Variants in RIMS1 observed in about 807,000 individuals in gnomAD.
RIMS1 encodes regulating synaptic membrane exocytosis protein 1.
RIMS1 carries 83 observed loss-of-function variants against 214.1 expected under a neutral mutation model. The ratio of observed to expected loss-of-function variants is 0.39; its 90% CI spans 0.32 to 0.47. RIMS1 has a LOEUF of 0.47. RIMS1 is among the 20% of genes least tolerant of loss of function. The pLI is 0.99. For missense variants in RIMS1, 2,050 were observed against 2,161.8 expected, an observed-to-expected ratio of 0.95 and a Z score of 1.03; for synonymous variants, 793 against 786.8, an observed-to-expected ratio of 1.01 and a Z score of -0.13.
At chr6:71,907,983 G>A (rs1360593290) in intron 1 of RIMS1, among the ~76,000 whole-genome samples, 2 of 152,244 alleles carry the variant, frequency 1.3e-5, no homozygotes, top group East Asian at 3.9e-4. Context: ...GAAAGTAAGA[G>A]ACTTTTGCCT....
chr6:72,051,762 A>G (rs1211950167), intron 2 of RIMS1, among the ~76,000 whole-genome samples: 1 of 152,226 alleles, frequency 6.6e-6, no homozygotes, highest in African/African-American at 2.4e-5. Flanking sequence ...GCTTATTAAA[A>G]CAAATGATAA....
chr6:71,886,799 C>T lies in RIMS1; in HGVS notation c.-225C>T. The T allele has an allele frequency of 1.8e-6, 1 of 566,230 alleles. No homozygotes were observed. The highest frequency in any genetic ancestry group is 2.3e-5 in the South Asian group (1 of 43,078). The allele number at this position is 566,230 out of a possible 1,614,324, so 35.1% of individuals were successfully genotyped here. A position where few individuals can be genotyped will look rare whatever the true frequency, so the allele number is the denominator to read the frequency against. ...CCGAGCTTCGCTAGGGCGACCAAAACAAAGGCAGCATCCGGGGCTGGGTGG... is the reference window on the plus strand; with the variant it reads ...CCGAGCTTCGCTAGGGCGACCAAAATAAAGGCAGCATCCGGGGCTGGGTGG... On this transcript the variant is annotated 5_prime_UTR_variant, in exon 1 of 34. Coordinates refer to ENST00000521978, the MANE Select transcript of RIMS1 (RefSeq NM_014989.7).
In RIMS1 at chr6:72,213,365, A is replaced by C. The variant is rs986151099; in HGVS notation, c.1679-20408A>C. On this transcript the variant is annotated intron_variant, in intron 6 of 33. Coordinates refer to ENST00000521978, the MANE Select transcript of RIMS1 (RefSeq NM_014989.7). ...GGTGCACAGTGTTCTTAATTGAATAAAGTTTCCAGTTACCAACTTTATCTT... is the reference window on the plus strand; with the variant it reads ...GGTGCACAGTGTTCTTAATTGAATACAGTTTCCAGTTACCAACTTTATCTT... The C allele has an allele frequency of 5.7e-6, 4 of 706,032 alleles. No individual in the cohort carries two copies. The South Asian group carries it at 8.7e-5, about 15-fold the overall frequency. The allele number at this position is 706,032 out of a possible 1,614,324, so 43.7% of individuals were successfully genotyped here. A position where few individuals can be genotyped will look rare whatever the true frequency, so the allele number is the denominator to read the frequency against.
At chr6:71,928,953 A>G (rs1782297124) in intron 1 of RIMS1, among the ~76,000 whole-genome samples, 1 of 152,162 alleles carries the variant, frequency 6.6e-6, no homozygotes, top group Non-Finnish European at 1.5e-5. Flanking sequence ...TGCCAAGTTA[A>G]TGTGTCATCA....
At chr6:72,067,219 CA>C (rs1397366235) in intron 2 of RIMS1, among the ~76,000 whole-genome samples, 2 of 152,158 alleles carry the variant, frequency 1.3e-5, no homozygotes, top group Non-Finnish European at 2.9e-5. Flanking sequence ...TCCCACTAAG[CA>C]TAAAATGTAT....
At chr6:72,294,013 C>G (rs900503156) in intron 26 of RIMS1, among the ~76,000 whole-genome samples, 3 of 151,328 alleles carry the variant, frequency 2.0e-5, no homozygotes, top group African/African-American at 7.3e-5. Flanking sequence ...AATGTGACAA[C>G]AAGCATGTAT....
intron 2 of RIMS1, among the ~76,000 whole-genome samples, chr6:72,036,657 A>G (rs1264480870): frequency 4.0e-5 from 6 of 149,344 alleles, no homozygotes; most frequent in Non-Finnish European, 7.5e-5. Context: ...ATTAGCAGCA[A>G]CCACATATTT....
chr6:72,140,836 T>C (rs899808119), intron 4 of RIMS1, among the ~76,000 whole-genome samples: 5 of 152,064 alleles, frequency 3.3e-5, no homozygotes, highest in Admixed American at 3.3e-4. Flanking sequence ...ATATAACTGT[T>C]TTCCTGTTGT....
At chr6:72,104,632 GA>G (rs1435691989) in intron 4 of RIMS1, among the ~76,000 whole-genome samples, 1 of 152,136 alleles carries the variant, frequency 6.6e-6, no homozygotes, top group Non-Finnish European at 1.5e-5. Flanking sequence ...ACCAAGAATA[GA>G]ATTTGCATCT....
intron 6 of RIMS1, among the ~76,000 whole-genome samples, chr6:72,208,867 G>A (rs770136516): frequency 3.3e-5 from 5 of 152,236 alleles, no homozygotes; most frequent in African/African-American, 4.8e-5. Flanking sequence ...GGCACTGTCT[G>A]ACATTTTGAC....
intron 28 of RIMS1, among the ~76,000 whole-genome samples, chr6:72,327,735 G>A (rs1361107374): frequency 6.6e-6 from 1 of 151,676 alleles, no homozygotes; most frequent in South Asian, 2.1e-4. Context: ...TATCATTGTG[G>A]TTTTCATAAA....
intron 25 of RIMS1, 107 bp from the exon 26 acceptor site, chr6:72,291,827 G>T (rs757419394): frequency 3.6e-5 from 29 of 806,370 alleles, no homozygotes; most frequent in African/African-American, 5.1e-5. Flanking sequence ...CATTGGCCCA[G>T]TGAGGGGGTT....
intron 23 of RIMS1, among the ~76,000 whole-genome samples, chr6:72,283,614 C>T (rs1301070905): frequency 6.6e-6 from 1 of 152,052 alleles, no homozygotes; most frequent in Non-Finnish European, 1.5e-5. Context: ...TTTGTAGCAC[C>T]AAGTTTCAAC....
At chr6:72,065,996 A>C (rs1431156111) in intron 2 of RIMS1, among the ~76,000 whole-genome samples, 1 of 152,080 alleles carries the variant, frequency 6.6e-6, no homozygotes, top group African/African-American at 2.4e-5. Flanking sequence ...GAATACTCCA[A>C]GATTAAGTAC....
chr6:71,924,067 GT>G (rs1027595938), intron 1 of RIMS1, among the ~76,000 whole-genome samples: 1 of 152,090 alleles, frequency 6.6e-6, no homozygotes, highest in Non-Finnish European at 1.5e-5. Flanking sequence ...TAAATTGTTT[GT>G]TTGATTGTAG....
intron 6 of RIMS1, among the ~76,000 whole-genome samples, chr6:72,184,636 A>G (rs561777814): frequency 6.6e-6 from 1 of 152,338 alleles, no homozygotes; most frequent in South Asian, 2.1e-4. Flanking sequence ...TGGCTTTTAA[A>G]AAATGTCAAA....
intron 19 of RIMS1, 54 bp downstream of exon 19, chr6:72,260,821 C>G (rs1293349395): frequency 1.3e-6 from 2 of 1,598,254 alleles, no homozygotes; most frequent in Non-Finnish European, 8.5e-7. Context: ...TCTTTCCATT[C>G]TATTATTCTT....
intron 2 of RIMS1, among the ~76,000 whole-genome samples, chr6:71,986,683 T>C (rs189094957): frequency 1.3e-5 from 2 of 152,346 alleles, no homozygotes; most frequent in East Asian, 3.9e-4. Flanking sequence ...GCAGTAGAAA[T>C]AATTGAGGGA....
intron 1 of RIMS1, among the ~76,000 whole-genome samples, chr6:71,922,184 A>C (rs1266478818): frequency 6.6e-6 from 1 of 152,178 alleles, no homozygotes; most frequent in African/African-American, 2.4e-5. Context: ...TTATCATTTT[A>C]AGCATTTGTA....
Sources: gnomAD v4.1 joint callset for allele counts (sites outside exome capture counted in the v4.1 genomes callset) on GRCh38, gnomAD v4.1.1 for gene constraint, MANE v1.5 for transcripts, NCBI Gene and HGNC (gene_info 2026-07-23, HGNC 2026-07-21) for gene names.